The following RAB6B variants were observed in gnomAD, a reference collection of about 807,000 sequenced individuals.
RAB6B encodes the protein RAB6B, member RAS oncogene family.
Under a neutral mutation model 31.2 loss-of-function variants are expected in RAB6B, and 7 were observed. That is an observed-to-expected ratio of 0.22 (90% CI 0.13 to 0.42). The LOEUF (loss-of-function observed/expected upper bound fraction) is 0.42. RAB6B is among the 10% of genes least tolerant of loss of function. The probability of loss-of-function intolerance (pLI) is 1.00; values close to 1 mark genes in which losing one functional copy is unlikely to be tolerated. For missense variants in RAB6B, 149 were observed against 280.6 expected, an observed-to-expected ratio of 0.53 and a Z score of 3.35; for synonymous variants, 105 against 104.9, an observed-to-expected ratio of 1.00 and a Z score of -0.01.
At chr3:133,871,965 C>T (rs926860305) in intron 1 of RAB6B, among the ~76,000 whole-genome samples, 4 of 152,152 alleles carry the variant, frequency 2.6e-5, no homozygotes, top group Admixed American at 1.3e-4. Flanking sequence ...CCAGGAGTTC[C>T]GGGAGGAGAG....
intron 2 of RAB6B, among the ~76,000 whole-genome samples, chr3:133,860,257 A>C (rs1936141194): frequency 6.6e-6 from 1 of 152,208 alleles, no homozygotes; most frequent in African/African-American, 2.4e-5. Flanking sequence ...TGAGAGAAAA[A>C]ATCATCCAGA....
chr3:133,835,355 G>C (rs1452432101), intron 6 of RAB6B, among the ~76,000 whole-genome samples: 1 of 152,082 alleles, frequency 6.6e-6, no homozygotes, highest in East Asian at 1.9e-4. Context: ...GGGAATGTTT[G>C]AGTGTGGTGT....
intron 2 of RAB6B, among the ~76,000 whole-genome samples, chr3:133,862,422 T>C (rs747831733): frequency 6.6e-5 from 10 of 152,086 alleles, no homozygotes; most frequent in African/African-American, 9.7e-5. Flanking sequence ...TACTGCACAG[T>C]TGAGAGGCTA....
At chr3:133,889,736 G>A (rs1298027391) in intron 1 of RAB6B, among the ~76,000 whole-genome samples, 1 of 152,056 alleles carries the variant, frequency 6.6e-6, no homozygotes, top group Admixed American at 6.5e-5. Flanking sequence ...AAGCCACCAC[G>A]CCCAGCCTTA....
Position 133,895,549 on chromosome 3 carries a change from C to A in RAB6B, c.-83G>T. The A allele has an allele frequency of 7.0e-7, 1 of 1,433,738 alleles. No individual in the cohort carries two copies. The highest frequency in any genetic ancestry group is 9.7e-7 in the Non-Finnish European group (1 of 1,033,838). The allele number at this position is 1,433,738 out of a possible 1,614,324, so 88.8% of individuals were successfully genotyped here. ...GGGAGAGTAGGAGGGCGAGGGGAGG[C>A]GGCCGGCGGTGCGGGAGCCGGAGGG... On this transcript the variant is annotated 5_prime_UTR_variant, in exon 1 of 8. Transcript: ENST00000285208.
At chr3:133,869,508 G>A (rs1936286768) in intron 1 of RAB6B, among the ~76,000 whole-genome samples, 1 of 152,246 alleles carries the variant, frequency 6.6e-6, no homozygotes, top group Non-Finnish European at 1.5e-5. Context: ...AGGATCTTCA[G>A]CAGGATGGTG....
intron 2 of RAB6B, among the ~76,000 whole-genome samples, chr3:133,849,410 G>A (rs1473717231): frequency 1.3e-5 from 2 of 152,176 alleles, no homozygotes; most frequent in Non-Finnish European, 2.9e-5. Flanking sequence ...CAAGCCCTCA[G>A]ATAACTCATT....
intron 1 of RAB6B, among the ~76,000 whole-genome samples, chr3:133,869,228 C>T (rs558346841): frequency 6.6e-6 from 1 of 152,360 alleles, no homozygotes; most frequent in African/African-American, 2.4e-5. Context: ...ATGGGGGACA[C>T]ACTTGGAGGC....
chr3:133,880,976 G>A (rs1936459198), intron 1 of RAB6B, among the ~76,000 whole-genome samples: 4 of 152,198 alleles, frequency 2.6e-5, no homozygotes, highest in Admixed American at 6.5e-5. Context: ...CCCTGGACCC[G>A]GGAGTAGGCA....
intron 4 of RAB6B, among the ~76,000 whole-genome samples, chr3:133,840,561 G>A (rs910747918): frequency 5.3e-5 from 8 of 152,200 alleles, no homozygotes; most frequent in African/African-American, 1.7e-4. Context: ...GCACCAGCGC[G>A]GGGACATGCA....
At chr3:133,850,565 AGAAAT>A (rs1935969567) in intron 2 of RAB6B, among the ~76,000 whole-genome samples, 1 of 152,180 alleles carries the variant, frequency 6.6e-6, no homozygotes, top group Non-Finnish European at 1.5e-5. Flanking sequence ...ATTCAAAAAG[AGAAAT>A]GAAATAGTCA....
chr3:133,866,200 A>G (rs1277298806), intron 1 of RAB6B, among the ~76,000 whole-genome samples: 5 of 152,170 alleles, frequency 3.3e-5, no homozygotes, highest in African/African-American at 1.2e-4. Context: ...AGAATATCAG[A>G]TGGAAAAAAT....
intron 1 of RAB6B, among the ~76,000 whole-genome samples, chr3:133,891,996 T>C (rs1326685067): frequency 6.6e-6 from 1 of 152,130 alleles, no homozygotes; most frequent in East Asian, 1.9e-4. Flanking sequence ...TCCCTGACCC[T>C]TCCCACCACA....
chr3:133,851,748 G>C (rs1038460105), intron 2 of RAB6B, among the ~76,000 whole-genome samples: 2 of 152,216 alleles, frequency 1.3e-5, no homozygotes, highest in African/African-American at 4.8e-5. Context: ...CAGAAGTGAA[G>C]TGACTTGCCT....
At position 133,824,783 on chromosome 3, in the gene RAB6B, AGAG is replaced by A. The variant is rs878951788; in HGVS notation, c.*4002_*4004del. 1 of 152,276 alleles carries A rather than the reference AGAG, an allele frequency of 6.6e-6. No homozygotes were observed. Among genetic ancestry groups the A allele is most frequent in the South Asian group, 2.1e-4 (1 of 4,824 alleles). 9.4% of individuals were successfully genotyped at this position (152,276 alleles called of 1,614,324 possible). A position where few individuals can be genotyped will look rare whatever the true frequency, so the allele number is the denominator to read the frequency against. On this transcript the variant is annotated 3_prime_UTR_variant, in exon 8 of 8. Coordinates refer to ENST00000285208, the MANE Select transcript of RAB6B (RefSeq NM_016577.4). ...GAAGAACCTAGTGTCCTAACCAAAA[AGAG>A]TAGAGATGGTCTGAGGAACACACCC...
intron 7 of RAB6B, among the ~76,000 whole-genome samples, chr3:133,833,329 G>A (rs1474794812): frequency 1.3e-5 from 2 of 152,142 alleles, no homozygotes; most frequent in African/African-American, 4.8e-5. Context: ...GACCAACCAG[G>A]AGATACTCCT....
At chr3:133,893,987 G>A (rs1936671818) in intron 1 of RAB6B, among the ~76,000 whole-genome samples, 2 of 152,174 alleles carry the variant, frequency 1.3e-5, no homozygotes, top group African/African-American at 2.4e-5. Context: ...TCTCCATACT[G>A]GGCCTGGACA....
chr3:133,827,019 G>A lies in RAB6B; in HGVS notation c.*1769C>T, dbSNP rs1156987058. ...ACATTGGTCCTTGCCTTCTGCAAGA[G>A]GTGCTCAGTGGGATCCTGCTTCCTC... On this transcript the variant is annotated 3_prime_UTR_variant, in exon 8 of 8. Coordinates refer to ENST00000285208, the MANE Select transcript of RAB6B (RefSeq NM_016577.4). 2 of 152,656 alleles carry A rather than the reference G, an allele frequency of 1.3e-5. No individual in the cohort carries two copies. Among genetic ancestry groups the A allele is most frequent in the African/African-American group, 4.8e-5 (2 of 41,460 alleles). The allele number at this position is 152,656 out of a possible 1,614,324, so 9.5% of individuals were successfully genotyped here. A position where few individuals can be genotyped will look rare whatever the true frequency, so the allele number is the denominator to read the frequency against.
intron 7 of RAB6B, among the ~76,000 whole-genome samples, chr3:133,830,828 AATT>A (rs1935645844): frequency 6.6e-6 from 1 of 152,128 alleles, no homozygotes; most frequent in Admixed American, 6.5e-5. Flanking sequence ...TGGGCCAGAC[AATT>A]CCTTGTTATG....
Sources: allele counts gnomAD v4.1 joint callset (sites outside exome capture counted in the v4.1 genomes callset), GRCh38; gene constraint gnomAD v4.1.1; transcripts MANE v1.5; gene names NCBI Gene and HGNC (gene_info 2026-07-23, HGNC 2026-07-21).